Variants in ADAMTSL2 observed in about 807,000 individuals in gnomAD.
ADAMTSL2 encodes ADAMTS-like protein 2.
A neutral mutation model predicts 117.0 loss-of-function variants in ADAMTSL2; 55 were observed. That is an observed-to-expected ratio of 0.47 (90% CI 0.38 to 0.59). ADAMTSL2 has a LOEUF of 0.59. ADAMTSL2 is among the 20% of genes least tolerant of loss of function. The probability of loss-of-function intolerance (pLI) is 0.00; values close to 1 mark genes in which losing one functional copy is unlikely to be tolerated. For synonymous variants in ADAMTSL2, 572 were observed against 566.4 expected, an observed-to-expected ratio of 1.01 and a Z score of -0.14; for missense variants, 1,182 against 1,354.5, an observed-to-expected ratio of 0.87 and a Z score of 2.00.
chr9:133,564,641 GGAGAGA>G (rs1564179077), intron 12 of ADAMTSL2, among the ~76,000 whole-genome samples: 2 of 13,096 alleles, frequency 1.5e-4, no homozygotes, highest in Admixed American at 7.0e-4. Context: ...AGAGAGAGAG[GGAGAGA>G]GGGAGAGAGG....
At chr9:133,568,560 A>T in intron 14 of ADAMTSL2, 43 bp from the exon 15 acceptor site, 2 of 1,556,304 alleles carry the variant, frequency 1.3e-6, no homozygotes, top group East Asian at 4.8e-5. Context: ...AGGTGGCTAC[A>T]CCTGTGTCAC....
Position 133,551,762 on chromosome 9 carries a change from T to C in ADAMTSL2, c.940-2595T>C, listed in dbSNP as rs1006841817. Reference sequence around the variant, plus strand: ...GTGGCGGGCTGCTTGCCTCACAGCCTGGACCTGCTGCAGGGCCCCTTCCAC... The same window carrying C: ...GTGGCGGGCTGCTTGCCTCACAGCCCGGACCTGCTGCAGGGCCCCTTCCAC... On this transcript the variant is annotated intron_variant, in intron 9 of 18. Coordinates refer to ENST00000651351, the MANE Select transcript of ADAMTSL2 (RefSeq NM_014694.4). Among the ~76,000 whole-genome samples the C allele has an allele frequency of 2.7e-5, 4 of 150,558 alleles. No individual in the cohort carries two copies. In the East Asian group the frequency reaches 5.9e-4, roughly 22 times the overall value.
In ADAMTSL2 at chr9:133,569,560, G is replaced by A. The variant is rs1831056718; in HGVS notation, c.2397G>A (p.Leu799=). The change falls in exon 16 of 19, where the codon CTG becomes CTA. Residue 799 remains leucine, a synonymous_variant. Transcript: ENST00000651351. ...ACAAAAACTGTCCCGCCCACTGGCTGGCCCAGGACTGGGAGCGGGTGAGTG... is the reference window on the plus strand; with the variant it reads ...ACAAAAACTGTCCCGCCCACTGGCTAGCCCAGGACTGGGAGCGGGTGAGTG... ...CGDKNCPAHW[L]AQDWERCNTT... 1 of 1,582,384 alleles carries A rather than the reference G, an allele frequency of 6.3e-7. No homozygotes were observed. The highest frequency in any genetic ancestry group is 1.3e-5 in the African/African-American group (1 of 74,476).
chr9:133,540,465 T>C, intron 5 of ADAMTSL2, 133 bp from the exon 6 acceptor site: 2 of 1,254,920 alleles, frequency 1.6e-6, no homozygotes, highest in South Asian at 1.3e-5. Context: ...CTGGACAGGT[T>C]CCTTCTGTTC....
Position 133,554,306 on chromosome 9 carries a change from A to AGG in ADAMTSL2, c.940-48_940-47dup. On this transcript the variant is annotated intron_variant, in intron 9 of 18. Coordinates refer to ENST00000651351, the MANE Select transcript of ADAMTSL2 (RefSeq NM_014694.4). This position sits in a 1 kb window ranked among gnomAD's most constrained non-coding sequence, Gnocchi z 5.2. Reference sequence around the variant, plus strand: ...TCTGTGGGAAGGGGATTGGTGGGGAAGGGGCTGGACAGAGTAAGGAGGGGC... The same window carrying AGG: ...TCTGTGGGAAGGGGATTGGTGGGGAAGGGGGGCTGGACAGAGTAAGGAGGGGC... 6.8e-7 allele frequency: 1 copy of AGG among 1,465,816 alleles called. No homozygotes were observed. Among genetic ancestry groups the AGG allele is most frequent in the South Asian group, 1.2e-5 (1 of 80,822 alleles). The allele number at this position is 1,465,816 out of a possible 1,614,324, so 90.8% of individuals were successfully genotyped here. A position where few individuals can be genotyped will look rare whatever the true frequency, so the allele number is the denominator to read the frequency against.
Position 133,562,766 on chromosome 9 carries a change from TCGCACCGC to T in ADAMTSL2, c.1747+1472_1747+1479del, listed in dbSNP as rs1830769583. On this transcript the variant is annotated intron_variant, in intron 12 of 18. Coordinates refer to ENST00000651351, the MANE Select transcript of ADAMTSL2 (RefSeq NM_014694.4). The stretch of plus-strand genomic sequence containing the variant: ...GTGGTGGGCACCGGCTTGGCCAGGC[TCGCACCGC>T]TGTGGGCGGCGTGGTGGGCACCGGC... Among the ~76,000 whole-genome samples the T allele has an allele frequency of 2.6e-5, 3 of 116,532 alleles. 1 individual carries two copies. Among genetic ancestry groups the T allele is most frequent in the Non-Finnish European group, 1.7e-5 (1 of 57,670 alleles). 76.4% of individuals were successfully genotyped at this position (116,532 alleles called of 152,430 possible).
chr9:133,563,618 T>C (rs1396387976), intron 12 of ADAMTSL2, among the ~76,000 whole-genome samples: 1 of 151,874 alleles, frequency 6.6e-6, no homozygotes, highest in Admixed American at 6.6e-5. Context: ...CACAGCACTG[T>C]CTCCCAACAC....
chr9:133,540,481 G>GTTCTGTTCT lies in ADAMTSL2; in HGVS notation c.413-117_413-116insTTCTGTTCT, dbSNP rs1284408178. On this transcript the variant is annotated intron_variant, in intron 5 of 18. Transcript: ENST00000651351. ...TGGACAGGTTCCTTCTGTTCTCCAGGCCTGAGTTGCCCCATCTATGCAATG... is the reference window on the plus strand; with the variant it reads ...TGGACAGGTTCCTTCTGTTCTCCAGGTTCTGTTCTCCTGAGTTGCCCCATCTATGCAATG... The GTTCTGTTCT allele has an allele frequency of 4.3e-6, 6 of 1,391,958 alleles. No individual in the cohort carries two copies. In the African/African-American group the frequency reaches 7.1e-5, roughly 17 times the overall value. 86.2% of individuals were successfully genotyped at this position (1,391,958 alleles called of 1,614,324 possible).
intron 9 of ADAMTSL2, 147 bp downstream of exon 9, chr9:133,547,360 G>A (rs2131119584): frequency 1.4e-6 from 1 of 732,138 alleles, no homozygotes; most frequent in South Asian, 1.7e-5. Context: ...GCGTGGGCTG[G>A]GGCTTCACGT....
At chr9:133,552,841 A>ACCTGCT (rs1830517824) in intron 9 of ADAMTSL2, among the ~76,000 whole-genome samples, 1 of 152,144 alleles carries the variant, frequency 6.6e-6, no homozygotes, top group Admixed American at 6.5e-5. Flanking sequence ...GTCAGCCCCT[A>ACCTGCT]CCTGCTCTAT....
chr9:133,568,590 C>A lies in ADAMTSL2; in HGVS notation c.2089-13C>A, dbSNP rs1434813145. The stretch of plus-strand genomic sequence containing the variant: ...TGTCACACCCCCCCTGCCCCCTCCC[C>A]CTGCCGCCCCAGTGCACTGCCAAGT... On this transcript the variant is annotated splice_polypyrimidine_tract_variant and intron_variant, in intron 14 of 18. Coordinates refer to ENST00000651351, the MANE Select transcript of ADAMTSL2 (RefSeq NM_014694.4). The A allele has an allele frequency of 7.0e-6, 11 of 1,573,748 alleles. No individual in the cohort carries two copies. The highest frequency in any genetic ancestry group is 2.3e-5 in the East Asian group (1 of 43,374).
chr9:133,550,073 C>T (rs1275378782), intron 9 of ADAMTSL2, among the ~76,000 whole-genome samples: 1 of 152,234 alleles, frequency 6.6e-6, no homozygotes, highest in African/African-American at 2.4e-5. Context: ...GACCCTTGCA[C>T]CCACATCCGC....
Position 133,555,588 on chromosome 9 carries a change from G to A in ADAMTSL2, c.1307G>A (p.Gly436Glu). Reference sequence around the variant, plus strand: ...AACGTCACGGGGACTCCTCTCACCGGGGACAAGGATGACGAAGAGGTTGAC... The same window carrying A: ...AACGTCACGGGGACTCCTCTCACCGAGGACAAGGATGACGAAGAGGTTGAC... The part of the protein sequence containing the change: ...DRNVTGTPLT[G>E]DKDDEEVDTH... Residue 436 changes from glycine (G) to glutamate (E), a missense_variant, in exon 11 of 19, where the codon GGG (glycine) becomes GAG (glutamate). Physicochemically the swap from Gly to Glu is moderately conservative, Grantham distance 98. Coordinates refer to ENST00000651351, the MANE Select transcript of ADAMTSL2 (RefSeq NM_014694.4). 1.2e-6 allele frequency: 2 copies of A among 1,613,212 alleles called. No homozygotes were observed. The highest frequency in any genetic ancestry group is 1.7e-5 in the Admixed American group (1 of 60,030).
upstream of ADAMTSL2, among the ~76,000 whole-genome samples, chr9:133,533,450 C>T (rs185483275): frequency 3.3e-5 from 5 of 152,322 alleles, no homozygotes; most frequent in Non-Finnish European, 7.4e-5. Context: ...GCGCTGGCAT[C>T]CCAGCCTTGC....
At position 133,536,655 on chromosome 9, in the gene ADAMTSL2, G is replaced by A. The variant is rs1223917106; in HGVS notation, c.-58G>A. 1 of 1,614,124 alleles carries A rather than the reference G, an allele frequency of 6.2e-7. No homozygotes were observed. The highest frequency in any genetic ancestry group is 8.5e-7 in the Non-Finnish European group (1 of 1,180,034). On this transcript the variant is annotated 5_prime_UTR_variant, in exon 2 of 19. Transcript: ENST00000651351. ...GAGGGCTCTTCCCAAAGCGTACCCT[G>A]GTCATCTGGAAGAGGATCGGAGCTG...
At position 133,574,935 on chromosome 9, in the gene ADAMTSL2, C is replaced by T; in HGVS notation, c.*71C>T. The stretch of plus-strand genomic sequence containing the variant: ...CTGGGGCTGCTGCAGCTTCTGGGGC[C>T]TCCACAGACCCCCCTCCTGCGGGGC... On this transcript the variant is annotated 3_prime_UTR_variant, in exon 19 of 19. Coordinates refer to ENST00000651351, the MANE Select transcript of ADAMTSL2 (RefSeq NM_014694.4). 2 of 1,214,972 alleles carry T rather than the reference C, an allele frequency of 1.6e-6. No homozygotes were observed. Among genetic ancestry groups the T allele is most frequent in the Non-Finnish European group, 1.2e-6 (1 of 820,534 alleles). The allele number at this position is 1,214,972 out of a possible 1,614,324, so 75.3% of individuals were successfully genotyped here.
At chr9:133,532,855 AGAGCCAGGG>A (rs1196797974), upstream of ADAMTSL2, among the ~76,000 whole-genome samples, 1 of 152,204 alleles carries the variant, frequency 6.6e-6, no homozygotes, top group Non-Finnish European at 1.5e-5. Flanking sequence ...AGGAGGTCAC[AGAGCCAGGG>A]GATGGCTGGC....
At position 133,569,082 on chromosome 9, in the gene ADAMTSL2, CA is replaced by C. The variant is rs1349292944; in HGVS notation, c.2244+325del. On this transcript the variant is annotated intron_variant, in intron 15 of 18. Coordinates refer to ENST00000651351, the MANE Select transcript of ADAMTSL2 (RefSeq NM_014694.4). ...CTCCGAGTCTCTCTGTCTGTCTCCC[CA>C]TCTCTGTCTCTCTGTGTCTGTCTTT... Among the ~76,000 whole-genome samples, 420 of 151,984 alleles carry C rather than the reference CA, an allele frequency of 2.8e-3. 3 individuals carry two copies. The highest frequency in any genetic ancestry group is 9.8e-3 in the African/African-American group (406 of 41,420).
intron 9 of ADAMTSL2, among the ~76,000 whole-genome samples, chr9:133,551,177 C>T (rs932931628): frequency 6.6e-6 from 1 of 152,184 alleles, no homozygotes; most frequent in African/African-American, 2.4e-5. Context: ...TTTTCCAGGC[C>T]AGTCCTGGAT....
Sources: gnomAD v4.1 joint callset for allele counts (sites outside exome capture counted in the v4.1 genomes callset) on GRCh38, gnomAD v4.1.1 for gene constraint, Gnocchi (gnomAD v3.1) non-coding constraint, MANE v1.5 for transcripts, NCBI Gene and HGNC (gene_info 2026-07-23, HGNC 2026-07-21) for gene names.